Variants in SEMA6D observed in about 807,000 individuals in gnomAD.
SEMA6D encodes the protein semaphorin 6D, also known as semaphorin-6D.
A neutral mutation model predicts 106.6 loss-of-function variants in SEMA6D; 35 were observed. The observed-to-expected ratio is 0.33, with a 90% CI of 0.25 to 0.44. The LOEUF is 0.44. SEMA6D is among the 20% of genes least tolerant of loss of function. SEMA6D has a pLI of 1.00. For synonymous variants in SEMA6D, 499 were observed against 487.7 expected (o/e 1.02, Z -0.31); for missense variants, 1,185 against 1,345.9 (o/e 0.88, Z 1.87).
At chr15:47,470,462 T>TTTGAGACGG in intron 2 of SEMA6D, 1 of 151,770 alleles carries the variant, frequency 6.6e-6, no homozygotes, top group African/African-American at 2.4e-5. Flanking sequence ...TTTTTTTTTC[T>TTTGAGACGG]ATTTACTGTA....
At chr15:47,663,556 T>TG (rs1325146392) in intron 4 of SEMA6D, among the ~76,000 whole-genome samples, 4 of 151,912 alleles carry the variant, frequency 2.6e-5, no homozygotes, top group Non-Finnish European at 4.4e-5. Flanking sequence ...TGCCCAGAAA[T>TG]GAAAAAAATA....
intron 3 of SEMA6D, among the ~76,000 whole-genome samples, chr15:47,506,687 A>C (rs190395187): frequency 2.1e-3 from 314 of 152,200 alleles, no homozygotes; most frequent in African/African-American, 7.3e-3. Context: ...AATAAAAGGC[A>C]GTGCAGTGGA....
chr15:47,225,544 T>TG (rs2031587357), intron 1 of SEMA6D, among the ~76,000 whole-genome samples: 1 of 126,722 alleles, frequency 7.9e-6, no homozygotes, highest in Non-Finnish European at 1.7e-5. Context: ...TTTTTTTTTT[T>TG]TTGATGGGGT....
chr15:47,472,036 T>C (rs1388818122), intron 3 of SEMA6D, among the ~76,000 whole-genome samples: 1 of 147,888 alleles, frequency 6.8e-6, no homozygotes, highest in Non-Finnish European at 1.5e-5. Context: ...AGAGAATAGA[T>C]AGAGGACACA....
chr15:47,237,394 G>T (rs1207679851), intron 1 of SEMA6D, among the ~76,000 whole-genome samples: 1 of 152,034 alleles, frequency 6.6e-6, no homozygotes, highest in African/African-American at 2.4e-5. Flanking sequence ...ATTTTGCCAC[G>T]TTGGAAATGA....
Position 47,292,481 on chromosome 15 carries a change from T to C in SEMA6D, c.-239+108063T>C, listed in dbSNP as rs151051464. ...TAAGCAGTTCCTGGCAATGCTTTCT[T>C]TTTTTTTATTTCAAACAGATGAGTT... On this transcript the variant is annotated intron_variant, in intron 1 of 19. Transcript: ENST00000558014. Among the ~76,000 whole-genome samples the C allele has an allele frequency of 6.6e-5, 10 of 151,822 alleles. No individual in the cohort carries two copies. In the East Asian group the frequency reaches 1.7e-3, roughly 26 times the overall value.
At chr15:47,708,195 A>G (rs1567004410) in intron 4 of SEMA6D, among the ~76,000 whole-genome samples, 1 of 152,216 alleles carries the variant, frequency 6.6e-6, no homozygotes, top group Non-Finnish European at 1.5e-5. Flanking sequence ...TCTGTCTTCT[A>G]AACACATGAG....
At chr15:47,277,616 A>ATTTAT (rs537046889) in intron 1 of SEMA6D, among the ~76,000 whole-genome samples, 38,577 of 136,142 alleles carry the variant, frequency 0.28, 5,517 homozygotes, top group Middle Eastern at 0.43. Context: ...ATTATTATTT[A>ATTTAT]TTATTATTAT....
intron 1 of SEMA6D, among the ~76,000 whole-genome samples, chr15:47,722,403 C>T (rs900212023): frequency 1.3e-5 from 2 of 152,172 alleles, no homozygotes; most frequent in East Asian, 1.9e-4. Flanking sequence ...ACAAAGAACA[C>T]GCGATGTACC....
intron 2 of SEMA6D, among the ~76,000 whole-genome samples, chr15:47,448,176 A>G (rs1004008416): frequency 2.0e-5 from 3 of 152,056 alleles, no homozygotes; most frequent in Admixed American, 6.5e-5. Flanking sequence ...GTCACCTTCT[A>G]TGGTTCTCCA....
intron 1 of SEMA6D, among the ~76,000 whole-genome samples, chr15:47,348,710 CACACACACCACACACACAGAGAG>C (rs2038158133): frequency 3.2e-5 from 3 of 94,878 alleles, no homozygotes; most frequent in Non-Finnish European, 4.1e-5. Context: ...CACACACACA[CACACACACCACACACACAGAGAG>C]AGAGAGAGAG....
chr15:47,233,055 A>G (rs1337716017), intron 1 of SEMA6D, among the ~76,000 whole-genome samples: 1 of 152,030 alleles, frequency 6.6e-6, no homozygotes. Flanking sequence ...ATTTCCTTCT[A>G]AGAATTTTAT....
At chr15:47,557,880 G>A (rs1566888190) in intron 3 of SEMA6D, among the ~76,000 whole-genome samples, 1 of 152,070 alleles carries the variant, frequency 6.6e-6, no homozygotes, top group Admixed American at 6.6e-5. Context: ...CTGTACTGTT[G>A]GTGGCAAAAG....
intron 4 of SEMA6D, among the ~76,000 whole-genome samples, chr15:47,645,098 C>T (rs889637446): frequency 3.9e-5 from 6 of 152,060 alleles, no homozygotes; most frequent in Non-Finnish European, 7.4e-5. Flanking sequence ...ATGTGGGTGC[C>T]GGGGCGTCAT....
rs541233415 is a variant in SEMA6D, at chr15:47,303,456, G to A, written c.-238-108937G>A. The stretch of plus-strand genomic sequence containing the variant: ...AAGTCTTTGCCTAAACATCACCTTC[G>A]TAGTGGGGCTCCTCCTCATCAACCT... On this transcript the variant is annotated intron_variant, in intron 1 of 19. Coordinates refer to the SEMA6D transcript ENST00000558014. 4.7e-4 allele frequency among the ~76,000 whole-genome samples: 72 copies of A among 152,208 alleles called. 1 individual carries two copies. In the South Asian group the frequency reaches 0.013, roughly 27 times the overall value.
At chr15:47,335,966 A>T (rs1199672312) in intron 1 of SEMA6D, among the ~76,000 whole-genome samples, 1 of 152,150 alleles carries the variant, frequency 6.6e-6, no homozygotes, top group African/African-American at 2.4e-5. Context: ...CAGTATGGAG[A>T]AACTTAAAAA....
intron 1 of SEMA6D, among the ~76,000 whole-genome samples, chr15:47,406,373 G>C (rs1567057390): frequency 1.3e-5 from 2 of 152,122 alleles, no homozygotes; most frequent in Non-Finnish European, 2.9e-5. Flanking sequence ...TCCCCACTGA[G>C]ACTTCCTGCA....
Position 47,522,695 on chromosome 15 carries a change from G to A in SEMA6D, c.-87+52150G>A, listed in dbSNP as rs116448845. ...ATGGTGTTAGCGACACTGCCTTTGT[G>A]GCCTTTGTGTGGTCTCTTTTGTTCA... On this transcript the variant is annotated intron_variant, in intron 3 of 19. Coordinates refer to the SEMA6D transcript ENST00000558014. Among the ~76,000 whole-genome samples the A allele has an allele frequency of 3.6e-3, 543 of 152,288 alleles. 6 individuals carry two copies. The highest frequency in any genetic ancestry group is 0.013 in the African/African-American group (531 of 41,552).
intron 2 of SEMA6D, among the ~76,000 whole-genome samples, chr15:47,446,495 T>C (rs949354702): frequency 6.6e-6 from 1 of 152,148 alleles, no homozygotes; most frequent in Admixed American, 6.6e-5. Context: ...AGTTTAGACT[T>C]CTTAAAATAG....
Sources: gnomAD v4.1 joint callset for allele counts (sites outside exome capture counted in the v4.1 genomes callset) on GRCh38, gnomAD v4.1.1 for gene constraint, MANE v1.5 for transcripts, NCBI Gene and HGNC (gene_info 2026-07-23, HGNC 2026-07-21) for gene names.